Variants in PHF24 observed in about 807,000 individuals in gnomAD.
PHF24 encodes the protein PHD finger protein 24.
In PHF24, 25 loss-of-function variants were observed where a neutral mutation model predicts 42.6. The observed-to-expected ratio is 0.59, with a 90% confidence interval of 0.43 to 0.82. The LOEUF is 0.82. Among genes scored for constraint, PHF24 ranks in the 40% least tolerant of loss-of-function variants. The probability of loss-of-function intolerance (pLI) is 0.00; values close to 1 mark genes in which losing one functional copy is unlikely to be tolerated. For synonymous variants in PHF24, 185 were observed against 204.8 expected, an observed-to-expected ratio of 0.90 and a Z score of 0.83; for missense variants, 470 against 538.1, an observed-to-expected ratio of 0.87 and a Z score of 1.25.
chr9:34,794,801 A>T, the PHF24 span, among the ~76,000 whole-genome samples: 6 of 152,314 alleles, frequency 3.9e-5, no homozygotes, highest in East Asian at 1.2e-3. Flanking sequence ...AAGATTTTTT[A>T]AAAAAGAATA....
the PHF24 span, among the ~76,000 whole-genome samples, chr9:34,824,168 G>A: frequency 6.6e-6 from 1 of 152,220 alleles, no homozygotes; most frequent in East Asian, 1.9e-4. Flanking sequence ...TCAAGGGCTG[G>A]GCTAGTTCTG....
At chr9:34,729,570 C>T in the PHF24 span, 1 of 802,410 alleles carries the variant, frequency 1.2e-6, no homozygotes, top group Non-Finnish European at 1.9e-6. Flanking sequence ...ATCACAAAGC[C>T]CTCCTGTTTC....
At chr9:34,723,460 A>G in the PHF24 span, 4 of 1,551,672 alleles carry the variant, frequency 2.6e-6, no homozygotes, top group Non-Finnish European at 3.5e-6. Flanking sequence ...TTCTCCCCAC[A>G]GGGCTCTTGG....
At chr9:34,894,997 A>C in the PHF24 span, 1 of 398,444 alleles carries the variant, frequency 2.5e-6, no homozygotes. Context: ...TGGGAACCTC[A>C]CTCACAGCAG....
At chr9:34,717,261 A>G in the PHF24 span, among the ~76,000 whole-genome samples, 120 of 147,652 alleles carry the variant, frequency 8.1e-4, no homozygotes, top group Non-Finnish European at 1.2e-3. Flanking sequence ...GGTGTGGTCA[A>G]TAAGGTTGGG....
chr9:34,971,802 A>C, intron 2 of PHF24, 126 bp downstream of exon 2: 2 of 1,096,030 alleles, frequency 1.8e-6, no homozygotes, highest in South Asian at 3.3e-5. Context: ...AAAATCTTTG[A>C]ATTTCTTCTG....
the PHF24 span, among the ~76,000 whole-genome samples, chr9:34,932,154 G>A: frequency 6.6e-6 from 1 of 152,140 alleles, no homozygotes. Context: ...TCCTGCTTCT[G>A]TCTATCATCT....
chr9:34,929,696 GC>G, the PHF24 span, among the ~76,000 whole-genome samples: 1 of 152,172 alleles, frequency 6.6e-6, no homozygotes, highest in Admixed American at 6.5e-5. Context: ...GCCCCCTACA[GC>G]CCCGCCATGT....
At chr9:34,696,180 A>G in the PHF24 span, among the ~76,000 whole-genome samples, 1 of 152,044 alleles carries the variant, frequency 6.6e-6, no homozygotes, top group Non-Finnish European at 1.5e-5. Flanking sequence ...TGTGCTAGTA[A>G]AATTCCAATA....
chr9:34,752,718 A>G, the PHF24 span, among the ~76,000 whole-genome samples: 1 of 152,180 alleles, frequency 6.6e-6, no homozygotes, highest in Non-Finnish European at 1.5e-5. Flanking sequence ...CCAAAACCAG[A>G]CAAAGACACA....
chr9:34,835,615 C>T, the PHF24 span: 14 of 1,551,572 alleles, frequency 9.0e-6, no homozygotes, highest in Non-Finnish European at 1.2e-5. Flanking sequence ...CAGTGGAGCC[C>T]TTGGCTTGTC....
the PHF24 span, among the ~76,000 whole-genome samples, chr9:34,757,721 T>C: frequency 8.0e-4 from 122 of 152,246 alleles, no homozygotes; most frequent in East Asian, 0.017. Context: ...ATGCTAGTGA[T>C]GTTTGCATGT....
chr9:34,958,257 C>CGCCGCCGCCGCCGCT (rs1563924160), upstream of PHF24: 1 of 155,996 alleles, frequency 6.4e-6, no homozygotes, highest in African/African-American at 2.4e-5. This position sits in a 1 kb window ranked among gnomAD's most constrained non-coding sequence, Gnocchi z 4.5. Context: ...CCGCCGCCGC[C>CGCCGCCGCCGCCGCT]TCCTCAGCCT....
At chr9:34,858,687 G>C in the PHF24 span, among the ~76,000 whole-genome samples, 1 of 152,130 alleles carries the variant, frequency 6.6e-6, no homozygotes, top group African/African-American at 2.4e-5. Context: ...CCTGACTCTG[G>C]GTTGGTTTGG....
At chr9:34,813,070 AGGTGGTTCCTTCCT>A in the PHF24 span, among the ~76,000 whole-genome samples, 1 of 152,216 alleles carries the variant, frequency 6.6e-6, no homozygotes, top group Admixed American at 6.5e-5. Flanking sequence ...ATGCAGGATG[AGGTGGTTCCTTCCT>A]GCCTAGGGCT....
the PHF24 span, among the ~76,000 whole-genome samples, chr9:34,901,176 AAAT>A: frequency 1.9e-3 from 291 of 152,352 alleles, 2 homozygotes; most frequent in African/African-American, 6.6e-3. Context: ...TTTGAGTATG[AAAT>A]AATACCAATT....
At chr9:34,875,595 G>C in the PHF24 span, among the ~76,000 whole-genome samples, 11 of 152,084 alleles carry the variant, frequency 7.2e-5, no homozygotes, top group African/African-American at 2.4e-4. Context: ...CTTACTATGG[G>C]TCACAGTCAC....
At chr9:34,677,940 A>C in the PHF24 span, among the ~76,000 whole-genome samples, 1 of 152,176 alleles carries the variant, frequency 6.6e-6, no homozygotes, top group East Asian at 1.9e-4. Context: ...ACTGAGTGTC[A>C]ATTTGATTGG....
At chr9:34,759,791 C>T in the PHF24 span, among the ~76,000 whole-genome samples, 1 of 152,160 alleles carries the variant, frequency 6.6e-6, no homozygotes, top group Non-Finnish European at 1.5e-5. Context: ...TCATTAAAAC[C>T]ATCTGCTGCA....
Sources: gnomAD v4.1 joint callset for allele counts (sites outside exome capture counted in the v4.1 genomes callset) on GRCh38, gnomAD v4.1.1 for gene constraint, Gnocchi (gnomAD v3.1) non-coding constraint, MANE v1.5 for transcripts, NCBI Gene and HGNC (gene_info 2026-07-23, HGNC 2026-07-21) for gene names.